The following STPG2 variants were observed in gnomAD, a reference collection of about 807,000 sequenced individuals.
The protein encoded by STPG2 is sperm-tail PG-rich repeat-containing protein 2.
Under a neutral mutation model 54.2 loss-of-function variants are expected in STPG2, and 56 were observed. The observed-to-expected ratio is 1.03, with a 90% CI of 0.83 to 1.29. The LOEUF is 1.29. STPG2 is among the 50% of genes most tolerant of loss of function. The pLI, the probability that STPG2 is intolerant of heterozygous loss-of-function variation, is 0.00. For synonymous variants in STPG2, 200 were observed against 181.8 expected (o/e 1.10, Z -0.81); for missense variants, 596 against 544.9 (o/e 1.09, Z -0.93).
intron 7 of STPG2, among the ~76,000 whole-genome samples, chr4:97,961,609 C>T (rs763427743): frequency 6.6e-6 from 1 of 152,026 alleles, no homozygotes; most frequent in African/African-American, 2.4e-5. Flanking sequence ...GAAAATGATG[C>T]TCAGCATCAT....
At chr4:98,128,401 T>G (rs745825964) in intron 3 of STPG2, 27 bp downstream of exon 3, 1 of 1,516,478 alleles carries the variant, frequency 6.6e-7, no homozygotes, top group Admixed American at 2.3e-5. Flanking sequence ...ATTTTCCAAT[T>G]GTCAATATGA....
intron 5 of STPG2, among the ~76,000 whole-genome samples, chr4:98,085,427 G>A (rs760248687): frequency 2.6e-5 from 4 of 152,026 alleles, no homozygotes; most frequent in Non-Finnish European, 4.4e-5. Flanking sequence ...ACTTCTGCTA[G>A]GAATTTGATT....
chr4:98,051,544 C>T (rs1019231572), intron 5 of STPG2, among the ~76,000 whole-genome samples: 2 of 151,990 alleles, frequency 1.3e-5, no homozygotes, highest in Non-Finnish European at 2.9e-5. Context: ...GCTCTCATCA[C>T]GTGATACTTT....
intron 5 of STPG2, among the ~76,000 whole-genome samples, chr4:98,021,769 T>A (rs1736208237): frequency 6.6e-6 from 1 of 151,954 alleles, no homozygotes; most frequent in Admixed American, 6.6e-5. Context: ...TACCATTATG[T>A]AATGGCCTTC....
At chr4:97,808,955 G>A (rs1017302996) in intron 9 of STPG2, among the ~76,000 whole-genome samples, 1 of 151,898 alleles carries the variant, frequency 6.6e-6, no homozygotes, top group East Asian at 1.9e-4. Context: ...AAAGAAAAAT[G>A]GACTGAATTA....
At chr4:97,734,751 T>C (rs1364650155) in intron 9 of STPG2, among the ~76,000 whole-genome samples, 1 of 151,934 alleles carries the variant, frequency 6.6e-6, no homozygotes, top group African/African-American at 2.4e-5. Context: ...AAAGCAAACA[T>C]AAACAAGTAG....
intron 10 of STPG2, among the ~76,000 whole-genome samples, chr4:97,671,342 G>A (rs1208800523): frequency 1.3e-5 from 2 of 152,138 alleles, no homozygotes; most frequent in Non-Finnish European, 2.9e-5. Context: ...GATTATACAG[G>A]CAACAGCAAT....
intron 4 of STPG2, among the ~76,000 whole-genome samples, chr4:97,535,712 G>A (rs563242596): frequency 7.2e-5 from 11 of 152,174 alleles, no homozygotes; most frequent in Non-Finnish European, 1.5e-4. Flanking sequence ...CATGCACTTG[G>A]TGGTGTTTTA....
At chr4:98,019,996 G>C (rs1258892438) in intron 5 of STPG2, among the ~76,000 whole-genome samples, 1 of 121,132 alleles carries the variant, frequency 8.3e-6, no homozygotes, top group Non-Finnish European at 1.8e-5. Flanking sequence ...TTTCCTAATT[G>C]AATACCCTTT....
intron 7 of STPG2, among the ~76,000 whole-genome samples, chr4:97,948,354 C>T (rs981097348): frequency 1.3e-5 from 2 of 151,814 alleles, no homozygotes; most frequent in Admixed American, 6.6e-5. Flanking sequence ...ATTTTATTTG[C>T]CTTTTCAAGG....
At chr4:97,624,587 CAT>C (rs1403971435) in intron 10 of STPG2, among the ~76,000 whole-genome samples, 1 of 151,958 alleles carries the variant, frequency 6.6e-6, no homozygotes, top group African/African-American at 2.4e-5. Context: ...CTGTTCACTT[CAT>C]AGTTTCTTTT....
At chr4:98,133,172 G>C (rs1740046464) in intron 2 of STPG2, among the ~76,000 whole-genome samples, 1 of 151,944 alleles carries the variant, frequency 6.6e-6, no homozygotes, top group Admixed American at 6.6e-5. Context: ...GGCTCTCCAT[G>C]CTACCTATCT....
At chr4:98,011,915 T>C (rs560040625) in intron 5 of STPG2, among the ~76,000 whole-genome samples, 1 of 152,348 alleles carries the variant, frequency 6.6e-6, no homozygotes, top group Non-Finnish European at 1.5e-5. Flanking sequence ...GGTCGCCTGT[T>C]CACTCTGATG....
At chr4:98,027,310 C>T (rs549681355) in intron 5 of STPG2, among the ~76,000 whole-genome samples, 59 of 152,280 alleles carry the variant, frequency 3.9e-4, no homozygotes, top group Middle Eastern at 3.4e-3. Flanking sequence ...AATTCTACCA[C>T]AGTAAGCAGT....
intron 4 of STPG2, among the ~76,000 whole-genome samples, chr4:97,508,279 A>C (rs1275814439): frequency 2.0e-5 from 3 of 152,098 alleles, no homozygotes; most frequent in African/African-American, 7.2e-5. Context: ...TATTTAAAAA[A>C]AGATACACAC....
intron 8 of STPG2, among the ~76,000 whole-genome samples, chr4:97,869,996 C>T (rs1456846449): frequency 6.6e-6 from 1 of 151,484 alleles, no homozygotes; most frequent in Non-Finnish European, 1.5e-5. Context: ...AAATTCTGCT[C>T]AGGTATTTCT....
chr4:97,517,228 G>A (rs1203056254), intron 4 of STPG2, among the ~76,000 whole-genome samples: 2 of 151,990 alleles, frequency 1.3e-5, no homozygotes, highest in Non-Finnish European at 2.9e-5. Flanking sequence ...TATTTATTGG[G>A]CTGTTTTTAT....
intron 4 of STPG2, among the ~76,000 whole-genome samples, chr4:97,488,485 A>G (rs1168384464): frequency 6.6e-6 from 1 of 151,754 alleles, no homozygotes; most frequent in Non-Finnish European, 1.5e-5. Flanking sequence ...ATGTGTAAAT[A>G]TAGTATTGTT....
intron 10 of STPG2, among the ~76,000 whole-genome samples, chr4:97,704,233 T>C (rs1404834209): frequency 2.0e-5 from 3 of 152,138 alleles, no homozygotes; most frequent in African/African-American, 7.2e-5. Context: ...CATCACACCA[T>C]GAAAGAGTTT....
Sources: gnomAD v4.1 joint callset for allele counts (sites outside exome capture counted in the v4.1 genomes callset) on GRCh38, gnomAD v4.1.1 for gene constraint, MANE v1.5 for transcripts, NCBI Gene and HGNC (gene_info 2026-07-23, HGNC 2026-07-21) for gene names.